The following SNTG1 variants were observed in gnomAD, a reference collection of about 807,000 sequenced individuals.
SNTG1 encodes the protein syntrophin gamma 1.
SNTG1 carries 39 observed loss-of-function variants against 74.7 expected under a neutral mutation model. The ratio of observed to expected loss-of-function variants is 0.52; its 90% confidence interval spans 0.40 to 0.68. The LOEUF is 0.68. Among genes scored for constraint, SNTG1 ranks in the 30% least tolerant of loss-of-function variants. The pLI is 0.00. For missense variants in SNTG1, 685 were observed against 609.5 expected, an observed-to-expected ratio of 1.12 and a Z score of -1.30; for synonymous variants, 254 against 217.1, an observed-to-expected ratio of 1.17 and a Z score of -1.49.
At chr8:50,387,654 A>G (rs1035030290) in intron 2 of SNTG1, among the ~76,000 whole-genome samples, 3 of 152,182 alleles carry the variant, frequency 2.0e-5, no homozygotes, top group Non-Finnish European at 4.4e-5. Context: ...ATCCAAAATC[A>G]TGAGTATCCA....
intron 2 of SNTG1, among the ~76,000 whole-genome samples, chr8:50,304,385 A>C (rs2089785998): frequency 6.6e-6 from 1 of 152,198 alleles, no homozygotes; most frequent in Non-Finnish European, 1.5e-5. Flanking sequence ...GAAGTAGAAA[A>C]TGGACAAAGA....
intron 4 of SNTG1, among the ~76,000 whole-genome samples, chr8:50,413,488 T>C (rs2092975906): frequency 6.6e-6 from 1 of 152,224 alleles, no homozygotes; most frequent in Non-Finnish European, 1.5e-5. Flanking sequence ...TTTCTGAGTG[T>C]TGAAGATTTC....
chr8:50,388,906 T>C lies in SNTG1; in HGVS notation c.-27-5306T>C, dbSNP rs150709990. Among the ~76,000 whole-genome samples, 321 of 152,312 alleles carry C rather than the reference T, an allele frequency of 2.1e-3. 3 individuals are homozygous for C. The highest frequency in any genetic ancestry group is 0.01 in the Middle Eastern group (3 of 294). ...CACCACCACAAATATCAAGCACTTA[T>C]TTGACGCAGGAGTCTTCAATGTGAT... On this transcript the variant is annotated intron_variant, in intron 2 of 18. Transcript: ENST00000642720.
intron 1 of SNTG1, among the ~76,000 whole-genome samples, chr8:49,995,415 C>G (rs1439194771): frequency 3.9e-5 from 6 of 152,156 alleles, no homozygotes; most frequent in African/African-American, 1.4e-4. Context: ...GAATTCTTGT[C>G]TACTGAGAAC....
intron 1 of SNTG1, among the ~76,000 whole-genome samples, chr8:49,920,293 G>C (rs184155775): frequency 6.6e-6 from 1 of 151,996 alleles, no homozygotes; most frequent in African/African-American, 2.4e-5. Flanking sequence ...ATGATTGTTA[G>C]AGTCCTGTTT....
At chr8:49,961,932 G>C (rs1554531651) in intron 1 of SNTG1, among the ~76,000 whole-genome samples, 2 of 152,174 alleles carry the variant, frequency 1.3e-5, no homozygotes, top group Non-Finnish European at 2.9e-5. Context: ...TTTTCTACTG[G>C]CTTTACAAAA....
intron 13 of SNTG1, among the ~76,000 whole-genome samples, chr8:50,616,399 C>T (rs2094885682): frequency 6.6e-6 from 1 of 152,186 alleles, no homozygotes; most frequent in African/African-American, 2.4e-5. Context: ...TAAAGGGCCA[C>T]TGACACTATC....
intron 8 of SNTG1, among the ~76,000 whole-genome samples, chr8:50,488,019 A>G (rs1563461316): frequency 6.6e-6 from 1 of 152,206 alleles, no homozygotes; most frequent in African/African-American, 2.4e-5. Context: ...TACACAAGTA[A>G]GTAACTTAAA....
At chr8:50,673,963 A>G (rs536837383) in intron 15 of SNTG1, among the ~76,000 whole-genome samples, 1 of 151,496 alleles carries the variant, frequency 6.6e-6, no homozygotes, top group African/African-American at 2.4e-5. Context: ...GGTTCTGTCA[A>G]TGTGATGAAC....
At chr8:50,487,014 G>C (rs1337448378) in intron 8 of SNTG1, among the ~76,000 whole-genome samples, 1 of 152,134 alleles carries the variant, frequency 6.6e-6, no homozygotes, top group Admixed American at 6.5e-5. Context: ...CTTGATCATG[G>C]TGGATAAGCT....
chr8:50,331,059 C>T (rs889137960), intron 2 of SNTG1, among the ~76,000 whole-genome samples: 1 of 152,068 alleles, frequency 6.6e-6, no homozygotes, highest in Admixed American at 6.6e-5. Flanking sequence ...AAATGTGTTT[C>T]TATATTTTTT....
chr8:50,667,079 A>G (rs1294935519), intron 15 of SNTG1, among the ~76,000 whole-genome samples: 1 of 151,946 alleles, frequency 6.6e-6, no homozygotes, highest in African/African-American at 2.4e-5. Flanking sequence ...TATACAAAAT[A>G]TAGAAATATA....
chr8:50,029,968 G>A (rs1446537947), intron 1 of SNTG1, among the ~76,000 whole-genome samples: 2 of 152,062 alleles, frequency 1.3e-5, no homozygotes. Flanking sequence ...CCCATCAACA[G>A]TGTATGAGGG....
intron 2 of SNTG1, among the ~76,000 whole-genome samples, chr8:50,184,758 C>A (rs1008047700): frequency 2.0e-4 from 31 of 152,018 alleles, no homozygotes; most frequent in Non-Finnish European, 4.4e-4. Flanking sequence ...AATGGTTAAA[C>A]AATAGATATT....
At chr8:50,541,774 C>G (rs1235058417) in intron 11 of SNTG1, among the ~76,000 whole-genome samples, 1 of 151,942 alleles carries the variant, frequency 6.6e-6, no homozygotes, top group South Asian at 2.1e-4. Flanking sequence ...TTATACTATA[C>G]TATATATTTG....
At chr8:50,591,894 G>A (rs933405056) in intron 13 of SNTG1, among the ~76,000 whole-genome samples, 1 of 152,168 alleles carries the variant, frequency 6.6e-6, no homozygotes, top group African/African-American at 2.4e-5. Context: ...TTGGAGAGAT[G>A]TACGTGTCTT....
intron 1 of SNTG1, among the ~76,000 whole-genome samples, chr8:50,025,726 A>C (rs2130714234): frequency 6.6e-6 from 1 of 152,316 alleles, no homozygotes; most frequent in East Asian, 1.9e-4. Context: ...TATCTCAGTA[A>C]GGTAAAAACA....
At chr8:50,173,220 G>A (rs1459304498) in intron 2 of SNTG1, among the ~76,000 whole-genome samples, 1 of 152,186 alleles carries the variant, frequency 6.6e-6, no homozygotes, top group Non-Finnish European at 1.5e-5. Context: ...CATGGGTGAT[G>A]CAGGTGGATC....
At chr8:50,764,728 A>C (rs541330448) in intron 18 of SNTG1, among the ~76,000 whole-genome samples, 1 of 152,042 alleles carries the variant, frequency 6.6e-6, no homozygotes, top group South Asian at 2.1e-4. Flanking sequence ...TTCTCTAAAA[A>C]CTGAAATAGA....
Sources: allele counts gnomAD v4.1 joint callset (sites outside exome capture counted in the v4.1 genomes callset), GRCh38; gene constraint gnomAD v4.1.1; transcripts MANE v1.5; gene names NCBI Gene and HGNC (gene_info 2026-07-23, HGNC 2026-07-21).